The following ANK3 variants were observed in gnomAD, a reference collection of about 807,000 sequenced individuals.
ANK3 encodes the protein ankyrin-3.
In ANK3, 57 loss-of-function variants were observed where a neutral mutation model predicts 370.9. That is an observed-to-expected ratio of 0.15 (90% CI 0.12 to 0.19). The LOEUF (loss-of-function observed/expected upper bound fraction) is 0.19. Ranked by LOEUF, ANK3 falls within the 10% of genes least tolerant of loss-of-function variation. The probability of loss-of-function intolerance (pLI) is 1.00; values close to 1 mark genes in which losing one functional copy is unlikely to be tolerated. For synonymous variants in ANK3, 1,929 were observed against 1,946.3 expected, an observed-to-expected ratio of 0.99 and a Z score of 0.23; for missense variants, 4,439 against 5,302.1, an observed-to-expected ratio of 0.84 and a Z score of 5.06.
At chr10:60,475,582 T>G (rs2075041595) in intron 2 of ANK3, among the ~76,000 whole-genome samples, 1 of 152,210 alleles carries the variant, frequency 6.6e-6, no homozygotes, top group African/African-American at 2.4e-5. Context: ...CAAAAACCTG[T>G]TTTGTAAAGA....
At chr10:60,553,660 A>G (rs928930773) in intron 2 of ANK3, among the ~76,000 whole-genome samples, 1 of 152,188 alleles carries the variant, frequency 6.6e-6, no homozygotes, top group Admixed American at 6.5e-5. Context: ...TCTAAGAGGC[A>G]TTGCCTGGGG....
At chr10:60,307,254 C>T (rs2045346647) in intron 1 of ANK3, among the ~76,000 whole-genome samples, 1 of 152,136 alleles carries the variant, frequency 6.6e-6, no homozygotes, top group African/African-American at 2.4e-5. Flanking sequence ...TATTACTCAC[C>T]TTTTCAGAGA....
intron 1 of ANK3, among the ~76,000 whole-genome samples, chr10:60,685,526 A>T (rs1425469767): frequency 6.6e-6 from 1 of 152,256 alleles, no homozygotes; most frequent in Non-Finnish European, 1.5e-5. Context: ...CAGTCAAATT[A>T]TTAGCCTTTG....
intron 8 of ANK3, among the ~76,000 whole-genome samples, chr10:60,220,981 CAA>C (rs2097043526): frequency 6.6e-6 from 1 of 152,130 alleles, no homozygotes; most frequent in South Asian, 2.1e-4. Context: ...ATACTGAATG[CAA>C]AGTGTTTGGC....
intron 1 of ANK3, chr10:60,684,736 G>A: frequency 6.3e-7 from 1 of 1,582,734 alleles, no homozygotes; most frequent in South Asian, 1.1e-5. Context: ...GGATGTAGGT[G>A]GTCAGGAGAA....
At chr10:60,426,674 A>G (rs1306202734) in intron 2 of ANK3, among the ~76,000 whole-genome samples, 8 of 152,090 alleles carry the variant, frequency 5.3e-5, no homozygotes, top group Non-Finnish European at 1.0e-4. Context: ...AACTCTATCA[A>G]TCCAAGAGAT....
At chr10:60,335,342 TA>T (rs539823805) in intron 1 of ANK3, among the ~76,000 whole-genome samples, 19 of 148,360 alleles carry the variant, frequency 1.3e-4, no homozygotes, top group South Asian at 6.4e-4. Flanking sequence ...TGTGGGACAT[TA>T]AAAAAAAAAC....
At chr10:60,509,931 C>A (rs577713222) in intron 2 of ANK3, among the ~76,000 whole-genome samples, 1 of 152,154 alleles carries the variant, frequency 6.6e-6, no homozygotes, top group South Asian at 2.1e-4. Context: ...TGGCATCAGA[C>A]CTCCTTTCAA....
At chr10:60,196,500 G>A in intron 15 of ANK3, 27 bp downstream of exon 15, 1 of 1,483,288 alleles carries the variant, frequency 6.7e-7, no homozygotes, top group Non-Finnish European at 9.4e-7. Flanking sequence ...GAAGTGGCCT[G>A]CTTCAGGGTG....
upstream of ANK3, among the ~76,000 whole-genome samples, chr10:60,390,538 G>A (rs924999091): frequency 6.6e-6 from 1 of 152,100 alleles, no homozygotes; most frequent in African/African-American, 2.4e-5. Flanking sequence ...TATTCATTAT[G>A]TGAAGTGAAG....
chr10:60,445,170 C>G (rs181012844), intron 2 of ANK3, among the ~76,000 whole-genome samples: 65 of 152,228 alleles, frequency 4.3e-4, no homozygotes, highest in African/African-American at 1.5e-3. Flanking sequence ...CACGCCTATG[C>G]TTGAGCTCAG....
chr10:60,041,741 C>T (rs1209805299), intron 43 of ANK3, among the ~76,000 whole-genome samples: 1 of 152,072 alleles, frequency 6.6e-6, no homozygotes, highest in African/African-American at 2.4e-5. Flanking sequence ...ATAAGGCTTG[C>T]GGGGAGGGAG....
chr10:60,279,660 A>G, intron 1 of ANK3, 21 bp from the exon 2 acceptor site: 1 of 1,589,846 alleles, frequency 6.3e-7, no homozygotes, highest in South Asian at 1.1e-5. Flanking sequence ...AAAGAAACAC[A>G]TTTTGATGAA....
Position 60,082,675 on chromosome 10 carries a change from T to C in ANK3, c.4263A>G (p.Thr1421=), listed in dbSNP as rs755663044. ...RLSFLKEPKT[T]KGLPQTAVCN... ...AAACCGCTGTTTGAGGCAGTCCTTT[T>C]GTTGTCTTTGGTTCTTTCAGAAAAG... The change falls in exon 34 of 44, where the codon ACA becomes ACG. Residue 1421 remains threonine, a synonymous_variant. Transcript: ENST00000280772. 1 of 1,614,020 alleles carries C rather than the reference T, an allele frequency of 6.2e-7. No individual in the cohort carries two copies. Among genetic ancestry groups the C allele is most frequent in the East Asian group, 2.2e-5 (1 of 44,884 alleles).
Position 60,604,587 on chromosome 10 carries a change from T to C in ANK3, c.96+10599A>G, listed in dbSNP as rs548341847. Among the ~76,000 whole-genome samples the C allele has an allele frequency of 3.3e-5, 5 of 152,304 alleles. No homozygotes were observed. In the East Asian group the frequency reaches 5.8e-4, roughly 18 times the overall value. ...ACGAATCTAAGCAGCAGTTCTAGCC[T>C]GTAAGAAATTTCCATGCCAGAGCTG... is the stretch of plus-strand genomic sequence containing the variant. On this transcript the variant is annotated intron_variant, in intron 2 of 43. Coordinates refer to the ANK3 transcript ENST00000373827.
intron 2 of ANK3, among the ~76,000 whole-genome samples, chr10:60,461,746 C>T (rs2064889436): frequency 6.6e-6 from 1 of 152,180 alleles, no homozygotes; most frequent in Non-Finnish European, 1.5e-5. Flanking sequence ...CCTGCAAACT[C>T]GGATTGGGCA....
chr10:60,084,788 C>T lies in ANK3; in HGVS notation c.3888G>A (p.Gly1296=), dbSNP rs1169969555. ...ADCHQVLETV[G]LATQLYRELI... is the part of the protein sequence containing the mutation. ...ATTCTCTGTACAGTTGCGTGGCTAA[C>T]CCCACAGTTTCTAAAACTTGATGGC... The change falls in exon 32 of 44, where the codon GGG becomes GGA. Residue 1296 remains glycine, a synonymous_variant. Coordinates refer to ENST00000280772, the MANE Select transcript of ANK3 (RefSeq NM_020987.5). 1.9e-6 allele frequency: 3 copies of T among 1,578,604 alleles called. No individual in the cohort carries two copies. The highest frequency in any genetic ancestry group is 1.7e-6 in the Non-Finnish European group (2 of 1,164,662).
At chr10:60,153,345 G>A (rs777441551) in intron 23 of ANK3, among the ~76,000 whole-genome samples, 1 of 152,184 alleles carries the variant, frequency 6.6e-6, no homozygotes, top group Non-Finnish European at 1.5e-5. Context: ...TATTCCATGT[G>A]AGAGATGTGG....
intron 42 of ANK3, chr10:60,053,589 G>A (rs1033857861): frequency 2.8e-5 from 30 of 1,053,678 alleles, no homozygotes; most frequent in Non-Finnish European, 3.4e-5. Flanking sequence ...TTGGTAAAGG[G>A]GAAAACAAGG....
Sources: gnomAD v4.1 joint callset for allele counts (sites outside exome capture counted in the v4.1 genomes callset) on GRCh38, gnomAD v4.1.1 for gene constraint, MANE v1.5 for transcripts, NCBI Gene and HGNC (gene_info 2026-07-23, HGNC 2026-07-21) for gene names.